ROBO3: variants seen among roughly 807,000 people sequenced by gnomAD.
ROBO3 encodes the protein roundabout homolog 3.
In ROBO3, 97 loss-of-function variants were observed where a neutral mutation model predicts 160.5. That is an observed-to-expected ratio of 0.60 (90% CI 0.51 to 0.72). The LOEUF is 0.72. ROBO3 is among the 30% of genes least tolerant of loss of function. ROBO3 has a pLI of 0.00. For synonymous variants in ROBO3, 780 were observed against 746.2 expected (o/e 1.05, Z -0.74); for missense variants, 1,858 against 1,846.5 (o/e 1.01, Z -0.11).
chr11:124,879,983 C>T (rs1946530991), intron 26 of ROBO3, 35 bp downstream of exon 26: 2 of 1,517,508 alleles, frequency 1.3e-6, no homozygotes, highest in Non-Finnish European at 1.8e-6. Context: ...AGGGCTGCTG[C>T]CACAGGAGAC....
Position 124,875,948 on chromosome 11 carries a change from C to T in ROBO3, c.2422-6C>T, listed in dbSNP as rs958240988. The T allele has an allele frequency of 1.3e-6, 2 of 1,592,658 alleles. No homozygotes were observed. Among genetic ancestry groups the T allele is most frequent in the Admixed American group, 3.5e-5 (2 of 56,828 alleles). On this transcript the variant is annotated splice_region_variant and splice_polypyrimidine_tract_variant and intron_variant, in intron 15 of 27. Transcript: ENST00000397801. ...TGACTCTAAATCCGGGACTCGGCCT[C>T]CCTAGATCTGGTGCCTGGGCAATGA...
At position 124,873,488 on chromosome 11, in the gene ROBO3, A is replaced by T. The variant is rs1455681215; in HGVS notation, c.1618+97A>T. The T allele has an allele frequency of 8.7e-7, 1 of 1,152,596 alleles. No homozygotes were observed. The highest frequency in any genetic ancestry group is 1.5e-5 in the African/African-American group (1 of 65,130). The allele number at this position is 1,152,596 out of a possible 1,614,324, so 71.4% of individuals were successfully genotyped here. On this transcript the variant is annotated intron_variant, in intron 10 of 27. Transcript: ENST00000397801. This position sits in a 1 kb window ranked among gnomAD's most constrained non-coding sequence, Gnocchi z 4.5. ...CTCCTCAAACTCCGGGATTAACTTTATGTCACAAATGCCATGGTTACGGTG... is the reference window on the plus strand; with the variant it reads ...CTCCTCAAACTCCGGGATTAACTTTTTGTCACAAATGCCATGGTTACGGTG...
chr11:124,866,896 C>T (rs1256756835), intron 1 of ROBO3, among the ~76,000 whole-genome samples: 1 of 152,086 alleles, frequency 6.6e-6, no homozygotes, highest in Admixed American at 6.5e-5. Context: ...TCCTAGATTT[C>T]CAGGAGGTTA....
intron 5 of ROBO3, 138 bp from the exon 6 acceptor site, chr11:124,870,463 T>TGG: frequency 6.8e-7 from 1 of 1,466,944 alleles, no homozygotes; most frequent in Non-Finnish European, 9.3e-7. Flanking sequence ...CCTCCATTGA[T>TGG]GGGTCCATGG....
chr11:124,879,542 G>C lies in ROBO3; in HGVS notation c.3763G>C (p.Ala1255Pro), dbSNP rs766898133. 1 of 1,613,532 alleles carries C rather than the reference G, an allele frequency of 6.2e-7. No homozygotes were observed. The highest frequency in any genetic ancestry group is 8.5e-7 in the Non-Finnish European group (1 of 1,179,628). ...TGCTCGATTCCGGAAGAAACCCAAG[G>C]CTCTTCCCTACAGGAGGGAGAACAG... Reference protein sequence around the residue: ...PRARFRKKPKALPYRRENSPG... With the variant: ...PRARFRKKPKPLPYRRENSPG... The change falls in exon 25 of 28, where the codon GCT (alanine) becomes CCT (proline). Residue 1255 changes from alanine (A) to proline (P), a missense_variant. By Grantham distance (27) the Ala-to-Pro change is conservative. Coordinates refer to ENST00000397801, the MANE Select transcript of ROBO3 (RefSeq NM_022370.4).
chr11:124,868,834 C>G lies in ROBO3; in HGVS notation c.193C>G (p.Arg65Gly). ...SRVGPEDAMPRIVEQPPDLLV... is the reference protein window; with the variant it reads ...SRVGPEDAMPGIVEQPPDLLV... ...GGTAGGACCGGAGGACGCTATGCCCCGCATCGTGGAGCAGCCGCCAGATCT... is the reference window on the plus strand; with the variant it reads ...GGTAGGACCGGAGGACGCTATGCCCGGCATCGTGGAGCAGCCGCCAGATCT... Residue 65 changes from arginine (R) to glycine (G), a missense_variant, in exon 2 of 28, where the codon CGC (arginine) becomes GGC (glycine). Arg to Gly is a moderately radical substitution (Grantham distance 125, BLOSUM62 -2). Transcript: ENST00000397801. The G allele has an allele frequency of 6.2e-7, 1 of 1,610,152 alleles. No individual in the cohort carries two copies. The highest frequency in any genetic ancestry group is 8.5e-7 in the Non-Finnish European group (1 of 1,178,756).
In ROBO3 at chr11:124,869,526, GC is replaced by G. The variant is rs756837590; in HGVS notation, c.571del (p.Arg191AlafsTer31). ...VGEPAVLECVPPRGHPEPSVS... is the reference protein window; with the variant it reads ...VGEPAVLECVXPRGHPEPSVS... ...GGGAGCCAGCAGTACTGGAATGCGTGCCCCCCCGCGGCCACCCGGAGCCTTC... is the reference window on the plus strand; with the variant it reads ...GGGAGCCAGCAGTACTGGAATGCGTGCCCCCCGCGGCCACCCGGAGCCTTC... On this transcript the variant is annotated frameshift_variant, in exon 3 of 28. Transcript: ENST00000397801. LOFTEE classifies it high-confidence loss of function. The surrounding 1 kb of genome is among the most constrained non-coding windows in gnomAD (Gnocchi z 4.2). The G allele has an allele frequency of 5.1e-6, 8 of 1,560,716 alleles. No homozygotes were observed. In the East Asian group the frequency reaches 9.5e-5, roughly 19 times the overall value.
rs371701219 is a variant in ROBO3, at chr11:124,879,295, C to A, written c.3639C>A (p.Pro1213=). 7 of 1,603,946 alleles carry A rather than the reference C, an allele frequency of 4.4e-6. No individual in the cohort carries two copies. The African/African-American group carries it at 8.0e-5, about 18-fold the overall frequency. Residue 1213 remains proline (P), a synonymous_variant, in exon 24 of 28, where the codon CCC becomes CCA. Transcript: ENST00000397801. ...AGLGAGPAAS[P]HLSPSPAPST... ...TGGGTGCTGGCCCTGCAGCCTCACC[C>A]CACCTCAGCCCCAGTCCTGCCCCTA...
In ROBO3 at chr11:124,869,717, T is replaced by A. The variant is rs145583955; in HGVS notation, c.645+110T>A. 2,135 of 1,328,538 alleles carry A rather than the reference T, an allele frequency of 1.6e-3. 9 individuals are homozygous for A. Among genetic ancestry groups the A allele is most frequent in the Middle Eastern group, 0.011 (59 of 5,268 alleles). 82.3% of individuals were successfully genotyped at this position (1,328,538 alleles called of 1,614,324 possible). Reference sequence around the variant, plus strand: ...GCATTAGCTAACCAGAGACTAAGAGTCAGCTATACAGTGAGGGATAAGGAA... The same window carrying A: ...GCATTAGCTAACCAGAGACTAAGAGACAGCTATACAGTGAGGGATAAGGAA... On this transcript the variant is annotated intron_variant, in intron 3 of 27. Coordinates refer to ENST00000397801, the MANE Select transcript of ROBO3 (RefSeq NM_022370.4). The surrounding 1 kb of genome is among the most constrained non-coding windows in gnomAD (Gnocchi z 4.2).
Position 124,872,342 on chromosome 11 carries a change from C to T in ROBO3, c.1159-39C>T. ...TGGGGACCTCTCCCTGCCCAGCTGC[C>T]TGCTCATTCCCTACCCTGGTTCCTT... On this transcript the variant is annotated intron_variant, in intron 7 of 27. Transcript: ENST00000397801. The surrounding 1 kb of genome is among the most constrained non-coding windows in gnomAD (Gnocchi z 4.3). 2.5e-6 allele frequency: 4 copies of T among 1,601,578 alleles called. No homozygotes were observed. In the Admixed American group the frequency reaches 6.7e-5, roughly 27 times the overall value.
Position 124,878,977 on chromosome 11 carries a change from C to G in ROBO3, c.3533+181C>G. On this transcript the variant is annotated intron_variant, in intron 23 of 27. Transcript: ENST00000397801. The surrounding 1 kb of genome is among the most constrained non-coding windows in gnomAD (Gnocchi z 4.3). ...TGGAGGCTGACAAGATCTCTCATGC[C>G]CATTAGACTGGCTCTTGCTGGAGTG... is the stretch of plus-strand genomic sequence containing the variant. 2.7e-6 allele frequency: 2 copies of G among 746,994 alleles called. No homozygotes were observed. The highest frequency in any genetic ancestry group is 4.3e-6 in the Non-Finnish European group (2 of 461,140). 46.3% of individuals were successfully genotyped at this position (746,994 alleles called of 1,614,324 possible). A position where few individuals can be genotyped will look rare whatever the true frequency, so the allele number is the denominator to read the frequency against.
Position 124,876,185 on chromosome 11 carries a change from G to A in ROBO3, c.2593+60G>A, listed in dbSNP as rs1286115697. On this transcript the variant is annotated intron_variant, in intron 16 of 27. Coordinates refer to ENST00000397801, the MANE Select transcript of ROBO3 (RefSeq NM_022370.4). This position sits in a 1 kb window ranked among gnomAD's most constrained non-coding sequence, Gnocchi z 5.3. The stretch of plus-strand genomic sequence containing the variant: ...ACGGGGGCGGGGCAAGCCCCCCACT[G>A]GGGTAGCTGTGCCTGCCGGGTCGGG... 6.5e-6 allele frequency: 10 copies of A among 1,536,972 alleles called. No homozygotes were observed. The highest frequency in any genetic ancestry group is 8.7e-6 in the Non-Finnish European group (10 of 1,148,554).
chr11:124,873,265 T>A lies in ROBO3; in HGVS notation c.1537-45T>A. On this transcript the variant is annotated intron_variant, in intron 9 of 27. Coordinates refer to ENST00000397801, the MANE Select transcript of ROBO3 (RefSeq NM_022370.4). This position sits in a 1 kb window ranked among gnomAD's most constrained non-coding sequence, Gnocchi z 4.5. ...TACCCGCCTCCACCCCCTCACTGGA[T>A]CTTGCTCCACTCTCAGTTTGCCAGT... The A allele has an allele frequency of 6.4e-7, 1 of 1,555,608 alleles. No individual in the cohort carries two copies.
At position 124,873,084 on chromosome 11, in the gene ROBO3, G is replaced by A. The variant is rs1217177667; in HGVS notation, c.1531G>A (p.Val511Met). Residue 511 changes from valine (V) to methionine (M), a missense_variant, in exon 9 of 28, where the codon GTG (valine) becomes ATG (methionine). Val to Met is a conservative substitution (Grantham distance 21). Coordinates refer to ENST00000397801, the MANE Select transcript of ROBO3 (RefSeq NM_022370.4). This position sits in a 1 kb window ranked among gnomAD's most constrained non-coding sequence, Gnocchi z 4.5. ...MANGTLYIAN[V>M]QEMDMGFYSC... The stretch of plus-strand genomic sequence containing the variant: ...CAACGGTACCCTGTACATCGCCAAT[G>A]TGCAGGTGAGTGTCACCCCTGGGGC... The A allele has an allele frequency of 9.9e-6, 16 of 1,613,048 alleles. No individual in the cohort carries two copies. The highest frequency in any genetic ancestry group is 1.4e-5 in the Non-Finnish European group (16 of 1,179,398).
Position 124,870,548 on chromosome 11 carries a change from G to T in ROBO3, c.906-53G>T. 3 of 1,611,810 alleles carry T rather than the reference G, an allele frequency of 1.9e-6. No homozygotes were observed. The South Asian group carries it at 3.3e-5, about 18-fold the overall frequency. On this transcript the variant is annotated intron_variant, in intron 5 of 27. Transcript: ENST00000397801. ...ACCCTGGTGTCTGTCCTGGGGGAGA[G>T]AGAAAGGGTCTGTAGCTGTGGCCAA...
intron 19 of ROBO3, 81 bp downstream of exon 19, chr11:124,877,390 A>G: frequency 1.3e-6 from 2 of 1,591,782 alleles, no homozygotes; most frequent in Non-Finnish European, 1.7e-6. Flanking sequence ...CCCCAGGTGG[A>G]GGGAGCATGG....
chr11:124,869,429 G>GCCGGC lies in ROBO3; in HGVS notation c.488-19_488-18insGGCCC. 7.7e-7 allele frequency: 1 copy of GCCGGC among 1,295,758 alleles called. No homozygotes were observed. The highest frequency in any genetic ancestry group is 1.1e-6 in the Non-Finnish European group (1 of 929,936). 80.3% of individuals were successfully genotyped at this position (1,295,758 alleles called of 1,614,324 possible). A position where few individuals can be genotyped will look rare whatever the true frequency, so the allele number is the denominator to read the frequency against. ...TGTCACTCTACACCCTGCTTATTTC[G>GCCGGC]CCCCCCACCGCCCCGCCCAGTCCTC... On this transcript the variant is annotated intron_variant, in intron 2 of 27. Transcript: ENST00000397801. This position sits in a 1 kb window ranked among gnomAD's most constrained non-coding sequence, Gnocchi z 4.2.
Position 124,879,589 on chromosome 11 carries a change from C to A in ROBO3, c.3796+14C>A. The A allele has an allele frequency of 6.2e-7, 1 of 1,601,208 alleles. No homozygotes were observed. Among genetic ancestry groups the A allele is most frequent in the Non-Finnish European group, 8.5e-7 (1 of 1,169,854 alleles). On this transcript the variant is annotated intron_variant, in intron 25 of 27. Coordinates refer to ENST00000397801, the MANE Select transcript of ROBO3 (RefSeq NM_022370.4). ...ACAGTCCTGGGGGTGAGGGGGGATGCACCTGGGAGATGGTGACAGTAGTGG... is the reference window on the plus strand; with the variant it reads ...ACAGTCCTGGGGGTGAGGGGGGATGAACCTGGGAGATGGTGACAGTAGTGG...
rs575251327 is a variant in ROBO3 at position 124,879,876 on chromosome 11, C to G, written c.3886C>G (p.Arg1296Gly). Residue 1296 changes from arginine (R) to glycine (G), a missense_variant, in exon 26 of 28, where the codon CGG becomes GGG. Coordinates refer to ENST00000397801, the MANE Select transcript of ROBO3 (RefSeq NM_022370.4). The part of the protein sequence containing the change: ...RAAGSMSSLE[R>G]ERSGERKAVQ... ...AGCAGGCAGCATGTCCTCCCTGGAG[C>G]GGGAGCGCAGTGGGGAGAGGAAAGC... The G allele has an allele frequency of 6.8e-5, 109 of 1,612,766 alleles. No homozygotes were observed. The highest frequency in any genetic ancestry group is 9.1e-5 in the Non-Finnish European group (107 of 1,179,566).
Sources: allele counts gnomAD v4.1 joint callset (sites outside exome capture counted in the v4.1 genomes callset), GRCh38; gene constraint gnomAD v4.1.1; non-coding constraint Gnocchi (gnomAD v3.1); transcripts MANE v1.5; gene names NCBI Gene and HGNC (gene_info 2026-07-23, HGNC 2026-07-21).